The following CACNA2D1 variants were observed in gnomAD, a reference collection of about 807,000 sequenced individuals.
CACNA2D1 encodes the protein voltage-dependent calcium channel subunit alpha-2/delta-1.
In CACNA2D1, 53 loss-of-function variants were observed where a neutral mutation model predicts 171.5. The ratio of observed to expected loss-of-function variants is 0.31; its 90% CI spans 0.25 to 0.39. CACNA2D1 has a LOEUF of 0.39. Ranked by LOEUF, CACNA2D1 falls within the 10% of genes least tolerant of loss-of-function variation. The pLI is 1.00. For missense variants in CACNA2D1, 903 were observed against 1,299.8 expected, an observed-to-expected ratio of 0.69 and a Z score of 4.69; for synonymous variants, 442 against 443.1, an observed-to-expected ratio of 1.00 and a Z score of 0.03.
At chr7:82,141,605 A>G (rs1305248262) in intron 4 of CACNA2D1, among the ~76,000 whole-genome samples, 1 of 152,176 alleles carries the variant, frequency 6.6e-6, no homozygotes, top group Non-Finnish European at 1.5e-5. Context: ...AAGATGAATA[A>G]TATCTACACC....
intron 36 of CACNA2D1, 35 bp from the exon 37 acceptor site, chr7:81,959,864 A>G (rs768718269): frequency 6.3e-7 from 1 of 1,599,078 alleles, no homozygotes; most frequent in Non-Finnish European, 8.5e-7. Flanking sequence ...GAAAATGAGT[A>G]TCTTTTCCAA....
At chr7:82,210,867 A>G (rs1420653210) in intron 3 of CACNA2D1, among the ~76,000 whole-genome samples, 6 of 152,180 alleles carry the variant, frequency 3.9e-5, no homozygotes, top group African/African-American at 1.2e-4. Context: ...GAAATGCTCA[A>G]CTCATGTTTG....
At chr7:82,268,220 T>A (rs183917826) in intron 3 of CACNA2D1, among the ~76,000 whole-genome samples, 1 of 152,340 alleles carries the variant, frequency 6.6e-6, no homozygotes, top group Admixed American at 6.5e-5. Context: ...AGATTAAAAT[T>A]GTTCAAAGAA....
chr7:82,430,761 C>T (rs764426188), intron 1 of CACNA2D1, among the ~76,000 whole-genome samples: 4 of 152,050 alleles, frequency 2.6e-5, no homozygotes, highest in Non-Finnish European at 4.4e-5. Context: ...GTATTGGTTG[C>T]GAAAAACGCA....
chr7:82,059,877 T>A (rs1806399804), intron 10 of CACNA2D1, among the ~76,000 whole-genome samples: 1 of 144,854 alleles, frequency 6.9e-6, no homozygotes, highest in South Asian at 2.3e-4. Context: ...ACCATCATTC[T>A]CAGCAAACTA....
intron 3 of CACNA2D1, among the ~76,000 whole-genome samples, chr7:82,172,452 TTC>T: frequency 6.9e-6 from 1 of 144,760 alleles, no homozygotes; most frequent in Non-Finnish European, 1.5e-5. Flanking sequence ...TGAAGGCTTT[TTC>T]TTTTTTTCTT....
intron 3 of CACNA2D1, among the ~76,000 whole-genome samples, chr7:82,328,890 T>C (rs946462131): frequency 6.6e-6 from 1 of 152,136 alleles, no homozygotes; most frequent in African/African-American, 2.4e-5. Flanking sequence ...AGTAAATCAA[T>C]GACCCCTAAT....
At chr7:82,443,267 C>G in intron 1 of CACNA2D1, 98 bp downstream of exon 1, 2 of 1,247,910 alleles carry the variant, frequency 1.6e-6, no homozygotes, top group Non-Finnish European at 1.1e-6. Context: ...CTCCCCACCC[C>G]CACGGGCGGA....
chr7:82,417,673 A>G (rs1245359910), intron 1 of CACNA2D1, among the ~76,000 whole-genome samples: 2 of 152,184 alleles, frequency 1.3e-5, no homozygotes, highest in African/African-American at 2.4e-5. Flanking sequence ...CACATCCAAC[A>G]TGACAGTAAA....
intron 21 of CACNA2D1, among the ~76,000 whole-genome samples, chr7:81,987,074 A>C (rs1339788046): frequency 6.6e-6 from 1 of 152,176 alleles, no homozygotes; most frequent in African/African-American, 2.4e-5. Flanking sequence ...CCCATGAGGA[A>C]GAAAAGAGAA....
intron 1 of CACNA2D1, among the ~76,000 whole-genome samples, chr7:82,428,642 T>G (rs2129458394): frequency 6.6e-6 from 1 of 152,310 alleles, no homozygotes; most frequent in African/African-American, 2.4e-5. Flanking sequence ...TTTCACCCTT[T>G]GCTCAATAAA....
intron 3 of CACNA2D1, among the ~76,000 whole-genome samples, chr7:82,241,948 A>G (rs1042948289): frequency 2.0e-5 from 3 of 152,178 alleles, no homozygotes; most frequent in Non-Finnish European, 4.4e-5. Context: ...ATAAGAGCCG[A>G]CTGATGATGA....
At position 82,209,714 on chromosome 7, in the gene CACNA2D1, G is replaced by A. The variant is rs118002694; in HGVS notation, c.295-39105C>T. Among the ~76,000 whole-genome samples the A allele has an allele frequency of 9.9e-3, 1,506 of 152,094 alleles. 4 individuals carry two copies. Among genetic ancestry groups the A allele is most frequent in the Non-Finnish European group, 0.014 (965 of 67,964 alleles). On this transcript the variant is annotated intron_variant, in intron 3 of 38. Coordinates refer to ENST00000356860, the MANE Select transcript of CACNA2D1 (RefSeq NM_000722.4). Reference sequence around the variant, plus strand: ...CTTATAACCAAAGAAACAAAAACACGCATTTTTCTGAAATAATGGAGGTTG... The same window carrying A: ...CTTATAACCAAAGAAACAAAAACACACATTTTTCTGAAATAATGGAGGTTG...
At chr7:81,987,591 T>C (rs1797101409) in intron 21 of CACNA2D1, among the ~76,000 whole-genome samples, 2 of 152,214 alleles carry the variant, frequency 1.3e-5, no homozygotes, top group Admixed American at 1.3e-4. Context: ...ATGAAAATTT[T>C]GTATCTCATT....
intron 3 of CACNA2D1, among the ~76,000 whole-genome samples, chr7:82,258,237 T>C (rs1003095654): frequency 1.3e-5 from 2 of 152,110 alleles, no homozygotes; most frequent in Admixed American, 1.3e-4. Context: ...ATGCCTTTTA[T>C]TCCTTCCCAT....
intron 1 of CACNA2D1, among the ~76,000 whole-genome samples, chr7:82,356,643 CAATTGCACT>C (rs1820456012): frequency 6.6e-6 from 1 of 151,736 alleles, no homozygotes; most frequent in Non-Finnish European, 1.5e-5. Context: ...AAATGAAATG[CAATTGCACT>C]ACCATTTTTT....
In CACNA2D1 at chr7:81,948,938, A is replaced by AAAAC. The variant is rs1363902766; in HGVS notation, c.*1450_*1453dup. The AAAAC allele has an allele frequency of 6.6e-6, 1 of 151,986 alleles. No individual in the cohort carries two copies. The highest frequency in any genetic ancestry group is 2.4e-5 in the African/African-American group (1 of 41,444). 9.4% of individuals were successfully genotyped at this position (151,986 alleles called of 1,614,324 possible). A position where few individuals can be genotyped will look rare whatever the true frequency, so the allele number is the denominator to read the frequency against. ...CATTTTCACCAATGAGGCTGTATAAAAAACAACTTTTATTATTCACAATCA... is the reference window on the plus strand; with the variant it reads ...CATTTTCACCAATGAGGCTGTATAAAAAACAAACAACTTTTATTATTCACAATCA... On this transcript the variant is annotated 3_prime_UTR_variant, in exon 39 of 39. Coordinates refer to ENST00000356860, the MANE Select transcript of CACNA2D1 (RefSeq NM_000722.4).
chr7:82,026,183 A>T (rs1801883683), intron 12 of CACNA2D1, among the ~76,000 whole-genome samples: 2 of 151,300 alleles, frequency 1.3e-5, no homozygotes, highest in African/African-American at 4.8e-5. Flanking sequence ...CTTAAATCTA[A>T]AGTGAACTTC....
chr7:82,154,347 C>A (rs1563128991), intron 4 of CACNA2D1, among the ~76,000 whole-genome samples: 1 of 152,032 alleles, frequency 6.6e-6, no homozygotes, highest in Non-Finnish European at 1.5e-5. Context: ...GAACAAAGAA[C>A]CTGAGATAAC....
Sources: gnomAD v4.1 joint callset for allele counts (sites outside exome capture counted in the v4.1 genomes callset) on GRCh38, gnomAD v4.1.1 for gene constraint, MANE v1.5 for transcripts, NCBI Gene and HGNC (gene_info 2026-07-23, HGNC 2026-07-21) for gene names.